The following GABRG3 variants were observed in gnomAD, a reference collection of about 807,000 sequenced individuals.
GABRG3 encodes gamma-aminobutyric acid type A receptor subunit gamma3.
In GABRG3, 25 loss-of-function variants were observed where a neutral mutation model predicts 48.8. The ratio of observed to expected loss-of-function variants is 0.51; its 90% CI spans 0.37 to 0.72. The LOEUF is 0.72. GABRG3 is among the 30% of genes least tolerant of loss of function. The probability of loss-of-function intolerance (pLI) is 0.00; values close to 1 mark genes in which losing one functional copy is unlikely to be tolerated. For synonymous variants in GABRG3, 227 were observed against 217.6 expected, an observed-to-expected ratio of 1.04 and a Z score of -0.38; for missense variants, 394 against 577.9, an observed-to-expected ratio of 0.68 and a Z score of 3.26.
chr15:27,373,575 A>G (rs1483749566), intron 5 of GABRG3, among the ~76,000 whole-genome samples: 1 of 152,216 alleles, frequency 6.6e-6, no homozygotes, highest in Non-Finnish European at 1.5e-5. Flanking sequence ...AATGTCTATT[A>G]AAAGGGCTTT....
At chr15:27,414,804 G>A (rs1360587951) in intron 5 of GABRG3, among the ~76,000 whole-genome samples, 1 of 152,106 alleles carries the variant, frequency 6.6e-6, no homozygotes, top group African/African-American at 2.4e-5. Context: ...TCATTTTCCT[G>A]CCCCGTGTTT....
At chr15:26,983,968 C>T (rs941760005) in intron 2 of GABRG3, among the ~76,000 whole-genome samples, 5 of 152,036 alleles carry the variant, frequency 3.3e-5, no homozygotes, top group Admixed American at 1.3e-4. Flanking sequence ...GTTTTTCCCC[C>T]GTCTGTGCTG....
At chr15:27,373,697 G>A (rs969116797) in intron 5 of GABRG3, among the ~76,000 whole-genome samples, 14 of 152,076 alleles carry the variant, frequency 9.2e-5, no homozygotes, top group Admixed American at 1.3e-4. Flanking sequence ...AACTTCTGGC[G>A]CTTACTTTGC....
At chr15:27,237,460 T>G (rs7162721) in intron 3 of GABRG3, among the ~76,000 whole-genome samples, 68 of 152,048 alleles carry the variant, frequency 4.5e-4, no homozygotes, top group Non-Finnish European at 9.3e-4. Context: ...GAGGCTGAGC[T>G]GGACCTCACG....
chr15:27,112,310 T>G (rs1897565626), intron 3 of GABRG3, among the ~76,000 whole-genome samples: 1 of 152,206 alleles, frequency 6.6e-6, no homozygotes, highest in Non-Finnish European at 1.5e-5. Context: ...TGTCCAGCTT[T>G]TTCTTGTTGT....
Position 27,319,127 on chromosome 15 carries a change from G to A in GABRG3, c.271-7682G>A, listed in dbSNP as rs2140513228. ...TGTTAATTAGCTTGATTGTGGTAAC[G>A]ATTTCACAATGTACACGTATGTCAA... On this transcript the variant is annotated intron_variant, in intron 3 of 9. Transcript: ENST00000615808. The surrounding 1 kb of genome is among the most constrained non-coding windows in gnomAD (Gnocchi z 4.4). 6.6e-6 allele frequency among the ~76,000 whole-genome samples: 1 copy of A among 152,284 alleles called. No homozygotes were observed. Among genetic ancestry groups the A allele is most frequent in the Middle Eastern group, 3.4e-3 (1 of 294 alleles).
intron 3 of GABRG3, among the ~76,000 whole-genome samples, chr15:27,209,684 G>A (rs953906791): frequency 5.3e-5 from 8 of 152,192 alleles, no homozygotes; most frequent in Admixed American, 5.2e-4. Flanking sequence ...GGCCACCAGA[G>A]CGAGGCCACA....
intron 3 of GABRG3, among the ~76,000 whole-genome samples, chr15:27,095,758 C>T (rs77013487): frequency 0.088 from 13,372 of 152,052 alleles, 990 homozygotes; most frequent in East Asian, 0.36. Flanking sequence ...CCCAGTGGAG[C>T]GCAGGAGGAG....
At position 27,435,240 on chromosome 15, in the gene GABRG3, C is replaced by A. The variant is rs368299384; in HGVS notation, c.575-45410C>A. On this transcript the variant is annotated intron_variant, in intron 5 of 9. Transcript: ENST00000615808. ...AAATTATATTATACTATTTTATATA[C>A]TCTTCCCCCTTTTATACTATTTTAT... 3.7e-4 allele frequency among the ~76,000 whole-genome samples: 55 copies of A among 150,292 alleles called. No individual in the cohort carries two copies. The South Asian group carries it at 0.011, about 30-fold the overall frequency.
chr15:27,493,735 A>T (rs1244122220), intron 6 of GABRG3, among the ~76,000 whole-genome samples: 1 of 152,242 alleles, frequency 6.6e-6, no homozygotes, highest in Non-Finnish European at 1.5e-5. Context: ...TTTAGACAGA[A>T]TCGATAGTCT....
chr15:27,425,013 T>G (rs1386681241), intron 5 of GABRG3, among the ~76,000 whole-genome samples: 1 of 152,164 alleles, frequency 6.6e-6, no homozygotes, highest in East Asian at 1.9e-4. Flanking sequence ...TGACCATGTC[T>G]CCAAGACAAA....
intron 6 of GABRG3, among the ~76,000 whole-genome samples, chr15:27,512,566 C>G (rs1007881438): frequency 6.6e-6 from 1 of 152,108 alleles, no homozygotes; most frequent in East Asian, 1.9e-4. Context: ...CTAAAGTTCC[C>G]GAAAGTAGTC....
chr15:27,053,091 A>T lies in GABRG3; in HGVS notation c.270+26270A>T, dbSNP rs114367274. ...GAAAACCTAGGAAATACCCTTCTGGATATTGGCCTTGGCAAAGAATTTATG... is the reference window on the plus strand; with the variant it reads ...GAAAACCTAGGAAATACCCTTCTGGTTATTGGCCTTGGCAAAGAATTTATG... On this transcript the variant is annotated intron_variant, in intron 3 of 9. Transcript: ENST00000615808. Among the ~76,000 whole-genome samples, 1,386 of 152,320 alleles carry T rather than the reference A, an allele frequency of 9.1e-3. 27 individuals are homozygous for T. The highest frequency in any genetic ancestry group is 0.031 in the African/African-American group (1,294 of 41,572).
intron 5 of GABRG3, among the ~76,000 whole-genome samples, chr15:27,370,463 G>A (rs1325212666): frequency 1.3e-5 from 2 of 152,260 alleles, no homozygotes; most frequent in African/African-American, 2.4e-5. Flanking sequence ...ACCTGTTTGG[G>A]TCATCTCCAA....
intron 5 of GABRG3, among the ~76,000 whole-genome samples, chr15:27,354,203 G>T (rs1196992509): frequency 6.6e-6 from 1 of 152,128 alleles, no homozygotes; most frequent in African/African-American, 2.4e-5. Context: ...CAGGTAGCAT[G>T]GTGAGCTACT....
intron 3 of GABRG3, among the ~76,000 whole-genome samples, chr15:27,178,010 T>G (rs561500503): frequency 6.6e-6 from 1 of 152,078 alleles, no homozygotes; most frequent in East Asian, 1.9e-4. Flanking sequence ...TGATAAGACA[T>G]CTCCTGGGGG....
Position 27,319,918 on chromosome 15 carries a change from G to C in GABRG3, c.271-6891G>C, listed in dbSNP as rs180782771. Among the ~76,000 whole-genome samples, 6 of 152,236 alleles carry C rather than the reference G, an allele frequency of 3.9e-5. No homozygotes were observed. The highest frequency in any genetic ancestry group is 2.6e-4 in the Admixed American group (4 of 15,306). On this transcript the variant is annotated intron_variant, in intron 3 of 9. Transcript: ENST00000615808. The surrounding 1 kb of genome is among the most constrained non-coding windows in gnomAD (Gnocchi z 4.4). ...GATGCGAATCTGAAAGCAGTCAGTG[G>C]GTTGGGGAGGGCAGAGGGAGGATTT...
chr15:27,521,809 T>C (rs1891166681), intron 7 of GABRG3, among the ~76,000 whole-genome samples: 1 of 151,918 alleles, frequency 6.6e-6, no homozygotes, highest in African/African-American at 2.4e-5. Context: ...ATTTATCTAA[T>C]CTGAAGATCA....
In GABRG3 at chr15:26,974,060, T is replaced by G. The variant is rs1329410077; in HGVS notation, c.53+2472T>G. On this transcript the variant is annotated intron_variant, in intron 1 of 9. Coordinates refer to ENST00000615808, the MANE Select transcript of GABRG3 (RefSeq NM_033223.5). The surrounding 1 kb of genome is among the most constrained non-coding windows in gnomAD (Gnocchi z 4.3). The stretch of plus-strand genomic sequence containing the variant: ...TCCTGTGGGCCTGGTGGTCTGGCAC[T>G]AGCAATGTGAGGCTTCTATTTCATT... Among the ~76,000 whole-genome samples the G allele has an allele frequency of 6.6e-6, 1 of 152,200 alleles. No homozygotes were observed. Among genetic ancestry groups the G allele is most frequent in the Non-Finnish European group, 1.5e-5 (1 of 68,022 alleles).
Sources: allele counts gnomAD v4.1 joint callset (sites outside exome capture counted in the v4.1 genomes callset), GRCh38; gene constraint gnomAD v4.1.1; non-coding constraint Gnocchi (gnomAD v3.1); transcripts MANE v1.5; gene names NCBI Gene and HGNC (gene_info 2026-07-23, HGNC 2026-07-21).